The following LINGO1 variants were observed in gnomAD, a reference collection of about 807,000 sequenced individuals.
The protein encoded by LINGO1 is leucine rich repeat and Ig domain containing 1.
Under a neutral mutation model 37.3 loss-of-function variants are expected in LINGO1, and 11 were observed. The ratio of observed to expected loss-of-function variants is 0.29; its 90% CI spans 0.19 to 0.49. The LOEUF (loss-of-function observed/expected upper bound fraction) is 0.49, where lower values mean the gene tolerates loss of function less well. LINGO1 is among the 20% of genes least tolerant of loss of function. The probability of loss-of-function intolerance (pLI) is 0.99; values close to 1 mark genes in which losing one functional copy is unlikely to be tolerated. For missense variants in LINGO1, 585 were observed against 878.2 expected (o/e 0.67, Z 4.22); for synonymous variants, 387 against 403.0 (o/e 0.96, Z 0.48).
At chr15:77,633,443 G>A (rs890470539), upstream of LINGO1, among the ~76,000 whole-genome samples, 23 of 152,204 alleles carry the variant, frequency 1.5e-4, no homozygotes, top group African/African-American at 5.3e-4. Context: ...CCCCGTCCTG[G>A]CCCTGTCCCC....
chr15:77,802,403 C>A (rs1194708737), intron 1 of LINGO1, among the ~76,000 whole-genome samples: 2 of 150,348 alleles, frequency 1.3e-5, no homozygotes, highest in Non-Finnish European at 3.0e-5. Flanking sequence ...CCTGTGCCCC[C>A]GGGTGTTCCC....
chr15:77,764,817 T>G (rs893718900), intron 1 of LINGO1, among the ~76,000 whole-genome samples: 2 of 151,822 alleles, frequency 1.3e-5, no homozygotes, highest in African/African-American at 4.8e-5. Context: ...ACTCCAAGAG[T>G]CTCCCACATG....
chr15:77,783,482 G>A (rs1005576768), intron 1 of LINGO1, among the ~76,000 whole-genome samples: 11 of 152,134 alleles, frequency 7.2e-5, no homozygotes, highest in African/African-American at 2.7e-4. Context: ...AAGGGAGCAG[G>A]TGGGGCTGAC....
chr15:77,756,844 A>C (rs1227553793), intron 1 of LINGO1, among the ~76,000 whole-genome samples: 1 of 152,080 alleles, frequency 6.6e-6, no homozygotes, highest in Non-Finnish European at 1.5e-5. Flanking sequence ...ATACACCCTG[A>C]TACTCCACCG....
chr15:77,683,372 T>C (rs1802606182), intron 2 of LINGO1, among the ~76,000 whole-genome samples: 1 of 152,210 alleles, frequency 6.6e-6, no homozygotes, highest in Non-Finnish European at 1.5e-5. Context: ...AAATCTATCC[T>C]GCAGAAAGGC....
At chr15:77,756,695 AG>A (rs1411738945) in intron 1 of LINGO1, among the ~76,000 whole-genome samples, 1 of 152,234 alleles carries the variant, frequency 6.6e-6, no homozygotes, top group Non-Finnish European at 1.5e-5. Context: ...TTTTCATCGC[AG>A]TGTTAAGAAC....
At chr15:77,741,428 C>G (rs1371880007) in intron 1 of LINGO1, among the ~76,000 whole-genome samples, 4 of 152,200 alleles carry the variant, frequency 2.6e-5, no homozygotes, top group African/African-American at 9.7e-5. Context: ...ACCCCTTACC[C>G]CAGCCACCTT....
chr15:77,793,020 C>T (rs1412213683), intron 2 of LINGO1, among the ~76,000 whole-genome samples: 2 of 152,162 alleles, frequency 1.3e-5, no homozygotes, highest in African/African-American at 2.4e-5. Flanking sequence ...CTGGAAGAAA[C>T]GACAAACCAC....
chr15:77,723,279 T>G (rs1342823423), intron 2 of LINGO1, among the ~76,000 whole-genome samples: 4 of 151,764 alleles, frequency 2.6e-5, no homozygotes, highest in Admixed American at 1.3e-4. Context: ...CGAATCTAAA[T>G]GCAACCGTGT....
At chr15:77,678,334 A>G (rs745549146) in intron 2 of LINGO1, among the ~76,000 whole-genome samples, 1 of 150,112 alleles carries the variant, frequency 6.7e-6, no homozygotes, top group Non-Finnish European at 1.5e-5. Context: ...TTTGTAGTCA[A>G]CTCCTCCCAG....
At chr15:77,802,719 A>G (rs1170262713) in intron 1 of LINGO1, among the ~76,000 whole-genome samples, 1 of 152,060 alleles carries the variant, frequency 6.6e-6, no homozygotes, top group Non-Finnish European at 1.5e-5. Context: ...GACACTCTCT[A>G]CCTGGGTCTG....
intron 2 of LINGO1, among the ~76,000 whole-genome samples, chr15:77,687,278 C>T (rs1167841394): frequency 6.6e-6 from 1 of 152,070 alleles, no homozygotes; most frequent in Non-Finnish European, 1.5e-5. Flanking sequence ...GAGGTCAGGG[C>T]TCATTGTAAA....
chr15:77,615,204 AG>A lies in LINGO1; in HGVS notation c.702del (p.Phe235SerfsTer21). The A allele has an allele frequency of 6.2e-7, 1 of 1,613,734 alleles. No individual in the cohort carries two copies. The highest frequency in any genetic ancestry group is 8.5e-7 in the Non-Finnish European group (1 of 1,179,830). ...HLNINAIRDY[S>X]FKRLYRLKVL... ...ACCTTGAGTCGGTACAGCCTCTTGA[AG>A]GAGTAGTCCCGGATGGCATTGATGT... On this transcript the variant is annotated frameshift_variant, in exon 2 of 2. Transcript: ENST00000355300. LOFTEE classifies it high-confidence loss of function.
At chr15:77,794,303 TAC>T (rs1451015680) in intron 2 of LINGO1, among the ~76,000 whole-genome samples, 1 of 125,230 alleles carries the variant, frequency 8.0e-6, no homozygotes, top group African/African-American at 3.0e-5. Flanking sequence ...TGTATATATA[TAC>T]ATATATGTGT....
intron 2 of LINGO1, among the ~76,000 whole-genome samples, chr15:77,677,909 G>A (rs999472489): frequency 3.3e-5 from 5 of 152,204 alleles, no homozygotes; most frequent in Admixed American, 1.3e-4. Context: ...CATGCCCAGA[G>A]GAGGGTGAAG....
At chr15:77,657,541 C>T (rs1361884189) in intron 3 of LINGO1, among the ~76,000 whole-genome samples, 2 of 152,184 alleles carry the variant, frequency 1.3e-5, no homozygotes, top group Non-Finnish European at 2.9e-5. Context: ...ATCAAGGAAC[C>T]CCAAAGGGGA....
upstream of LINGO1, chr15:77,634,213 C>A (rs934438772): frequency 2.2e-6 from 1 of 446,910 alleles, no homozygotes; most frequent in African/African-American, 2.4e-5. Flanking sequence ...CCTCTCCCCA[C>A]CCCCAACAGC....
At chr15:77,816,435 G>A (rs908918051) in intron 1 of LINGO1, among the ~76,000 whole-genome samples, 1 of 152,248 alleles carries the variant, frequency 6.6e-6, no homozygotes, top group African/African-American at 2.4e-5. Flanking sequence ...ATGCCTGAGA[G>A]GTCAGGGGCA....
intron 1 of LINGO1, among the ~76,000 whole-genome samples, chr15:77,818,418 G>A (rs971865375): frequency 6.6e-6 from 1 of 152,220 alleles, no homozygotes; most frequent in Non-Finnish European, 1.5e-5. Context: ...CACAATGGGA[G>A]AGGGTACAAA....
Sources: gnomAD v4.1 joint callset for allele counts (sites outside exome capture counted in the v4.1 genomes callset) on GRCh38, gnomAD v4.1.1 for gene constraint, MANE v1.5 for transcripts, NCBI Gene and HGNC (gene_info 2026-07-23, HGNC 2026-07-21) for gene names.